CD177: variants seen among roughly 807,000 people sequenced by gnomAD.
The protein encoded by CD177 is CD177 antigen.
In CD177, 41 loss-of-function variants were observed where a neutral mutation model predicts 38.1. That is an observed-to-expected ratio of 1.07 (90% CI 0.84 to 1.39). The LOEUF (loss-of-function observed/expected upper bound fraction) is 1.39. Ranked by LOEUF, CD177 falls within the 40% of genes most tolerant of loss-of-function variation. CD177 has a pLI of 0.00. For missense variants in CD177, 619 were observed against 523.8 expected (o/e 1.18, Z -1.77); for synonymous variants, 236 against 216.7 (o/e 1.09, Z -0.78).
At chr19:43,354,799 GTGTTATAAA>G (rs1300557108) in intron 3 of CD177, among the ~76,000 whole-genome samples, 3 of 152,002 alleles carry the variant, frequency 2.0e-5, no homozygotes, top group Non-Finnish European at 4.4e-5. Flanking sequence ...TCCTTGTCTG[GTGTTATAAA>G]GAGTCTAGGG....
At chr19:43,362,035 A>C in intron 8 of CD177, 53 bp from the exon 9 acceptor site, 1 of 1,523,558 alleles carries the variant, frequency 6.6e-7, no homozygotes, top group Non-Finnish European at 9.1e-7. Context: ...CTGGGTTTAC[A>C]ACTTGGCTGG....
rs562072411 is a variant in CD177 at position 43,354,145 on chromosome 19, T to C, written c.194-62T>C. ...TCTCAGCCTACGCCGTGTAGCAGCGTCTCCCTCCAGGACCCTGGAGGCCTG... is the reference window on the plus strand; with the variant it reads ...TCTCAGCCTACGCCGTGTAGCAGCGCCTCCCTCCAGGACCCTGGAGGCCTG... On this transcript the variant is annotated intron_variant, in intron 2 of 8. Transcript: ENST00000618265. The C allele has an allele frequency of 2.8e-5, 44 of 1,573,704 alleles. No homozygotes were observed. The East Asian group carries it at 5.8e-4, about 21-fold the overall frequency.
In CD177 at chr19:43,362,275, A is replaced by T. The variant is rs765381710; in HGVS notation, c.1269A>T (p.Ala423=). 1.3e-6 allele frequency: 2 copies of T among 1,597,764 alleles called. No homozygotes were observed. The highest frequency in any genetic ancestry group is 4.5e-5 in the East Asian group (2 of 44,730). The change falls in exon 9 of 9, where the codon GCA becomes GCT. Residue 423 remains alanine (A), a synonymous_variant. Transcript: ENST00000618265. ...LESLTWGVGL[A]LAPALWWGVV... is the part of the protein sequence containing the mutation. Reference sequence around the variant, plus strand: ...CTCTCACTTGGGGGGTGGGGCTGGCACTGGCCCCAGCGCTGTGGTGGGGAG... The same window carrying T: ...CTCTCACTTGGGGGGTGGGGCTGGCTCTGGCCCCAGCGCTGTGGTGGGGAG...
At chr19:43,363,651 T>C (rs1970004809), downstream of CD177, among the ~76,000 whole-genome samples, 1 of 151,970 alleles carries the variant, frequency 6.6e-6, no homozygotes. Flanking sequence ...CCAGCCCCCA[T>C]AGATCTGCCA....
rs1292778958 is a variant in CD177 at position 43,361,276 on chromosome 19, G to A, written c.894G>A (p.Leu298=). 2 of 1,550,160 alleles carry A rather than the reference G, an allele frequency of 1.3e-6. No individual in the cohort carries two copies. Among genetic ancestry groups the A allele is most frequent in the Non-Finnish European group, 1.8e-6 (2 of 1,128,080 alleles). ...ASYTHFCSSD[L]CNSASSSSVL... ...ATACCCACTTCTGCTCCTCGGACCT[G>A]TGCAATAGTGCCAGCAGCAGCAGCG... Residue 298 remains leucine, a synonymous_variant, in exon 7 of 9, where the codon CTG becomes CTA. Transcript: ENST00000618265.
Position 43,360,144 on chromosome 19 carries a change from T to G in CD177, c.620-121T>G, listed in dbSNP as rs532619961. The G allele has an allele frequency of 1.3e-5, 15 of 1,188,146 alleles. 1 individual carries two copies. In the South Asian group the frequency reaches 2.1e-4, roughly 16 times the overall value. The allele number at this position is 1,188,146 out of a possible 1,614,324, so 73.6% of individuals were successfully genotyped here. On this transcript the variant is annotated intron_variant, in intron 5 of 8. Transcript: ENST00000618265. The stretch of plus-strand genomic sequence containing the variant: ...CCTTCTGAATCCTTGGTTAAGGGAA[T>G]CTGTGGCCAGGTCACCTGGAGTGTG...
intron 3 of CD177, 149 bp downstream of exon 3, chr19:43,354,541 CG>C (rs1299597054): frequency 5.3e-6 from 4 of 752,532 alleles, no homozygotes; most frequent in Non-Finnish European, 8.8e-6. Context: ...CCCTGACCAT[CG>C]CCCCGCCCCG....
downstream of CD177, among the ~76,000 whole-genome samples, chr19:43,365,710 G>A (rs1490733609): frequency 2.7e-5 from 4 of 148,314 alleles, no homozygotes; most frequent in South Asian, 2.2e-4. Flanking sequence ...ACTTCTGCTG[G>A]GCGCCAGCTC....
intron 3 of CD177, 199 bp from the exon 4 acceptor site, chr19:43,355,462 T>C (rs1969913808): frequency 9.8e-6 from 6 of 611,492 alleles, no homozygotes; most frequent in Admixed American, 8.8e-5. Context: ...GACCTCCTGT[T>C]CATTCTCCCT....
intron 3 of CD177, among the ~76,000 whole-genome samples, chr19:43,354,707 T>G (rs192811500): frequency 1.2e-4 from 19 of 152,320 alleles, no homozygotes; most frequent in African/African-American, 4.6e-4. Flanking sequence ...TTTTATTCTG[T>G]TGCGTTTGGT....
At chr19:43,363,810 G>A (rs555990929), downstream of CD177, among the ~76,000 whole-genome samples, 1 of 152,168 alleles carries the variant, frequency 6.6e-6, no homozygotes, top group Non-Finnish European at 1.5e-5. Flanking sequence ...AGTCCAGGAC[G>A]GGCTCGGTGG....
intron 1 of CD177, 21 bp downstream of exon 1, chr19:43,353,787 G>T (rs975716058): frequency 1.2e-6 from 2 of 1,613,812 alleles, no homozygotes; most frequent in Non-Finnish European, 1.7e-6. Context: ...AGCCCAGCCT[G>T]GAGGAGATTC....
chr19:43,363,977 C>T (rs1023453985), downstream of CD177, among the ~76,000 whole-genome samples: 1 of 151,230 alleles, frequency 6.6e-6, no homozygotes, highest in African/African-American at 2.4e-5. Flanking sequence ...CCTCCCTCTA[C>T]TGGTCCCAGC....
Position 43,354,300 on chromosome 19 carries a change from C to T in CD177, c.287C>T (p.Ser96Phe). The change falls in exon 3 of 9, where the codon TCC becomes TTC. Residue 96 changes from serine (S) to phenylalanine (F), a missense_variant. By Grantham distance (155) the Ser-to-Phe change is radical (BLOSUM62 -2). Transcript: ENST00000618265. The stretch of plus-strand genomic sequence containing the variant: ...GAGCACCGGATGGGCCCCGGCCTCT[C>T]CCTGATCTCCTACACCTTCGTGTGC... Reference protein sequence around the residue: ...VTEHRMGPGLSLISYTFVCRQ... With the variant: ...VTEHRMGPGLFLISYTFVCRQ... 1.2e-6 allele frequency: 2 copies of T among 1,613,986 alleles called. No homozygotes were observed. The highest frequency in any genetic ancestry group is 1.6e-4 in the Middle Eastern group (1 of 6,062).
chr19:43,365,898 C>G (rs1007297513), downstream of CD177, among the ~76,000 whole-genome samples: 2 of 152,114 alleles, frequency 1.3e-5, no homozygotes, highest in Non-Finnish European at 2.9e-5. Flanking sequence ...TCAGCTGTCC[C>G]GTGGATGCTG....
At chr19:43,360,676 C>G (rs1471699484) in intron 6 of CD177, 1 of 457,414 alleles carries the variant, frequency 2.2e-6, no homozygotes, top group Non-Finnish European at 3.9e-6. Context: ...ACCGAGGACT[C>G]TCAGTGGCTT....
rs1374717318 is a variant in CD177 at position 43,360,314 on chromosome 19, G to T, written c.669G>T (p.Leu223Phe). 3.7e-6 allele frequency: 6 copies of T among 1,613,174 alleles called. No homozygotes were observed. Among genetic ancestry groups the T allele is most frequent in the Non-Finnish European group, 4.2e-6 (5 of 1,179,632 alleles). The change falls in exon 6 of 9, where the codon TTG becomes TTT. Residue 223 changes from leucine to phenylalanine, a missense_variant. Transcript: ENST00000618265. ...CCACCATTATGACACACGGAAACTT[G>T]GCTCAAGAACCCACTGATTGGACCA... ...RGTTIMTHGNLAQEPTDWTTS... is the reference protein window; with the variant it reads ...RGTTIMTHGNFAQEPTDWTTS...
rs765515656 is a variant in CD177, at chr19:43,360,312, T to G, written c.667T>G (p.Leu223Val). The G allele has an allele frequency of 3.7e-6, 6 of 1,613,040 alleles. No homozygotes were observed. The highest frequency in any genetic ancestry group is 2.7e-5 in the African/African-American group (2 of 74,860). The change falls in exon 6 of 9, where the codon TTG becomes GTG. Residue 223 changes from leucine to valine, a missense_variant. Coordinates refer to ENST00000618265, the MANE Select transcript of CD177 (RefSeq NM_020406.4). ...GACCACCATTATGACACACGGAAAC[T>G]TGGCTCAAGAACCCACTGATTGGAC... is the stretch of plus-strand genomic sequence containing the variant. Reference protein sequence around the residue: ...RGTTIMTHGNLAQEPTDWTTS... With the variant: ...RGTTIMTHGNVAQEPTDWTTS...
At chr19:43,363,772 C>T (rs545222682), downstream of CD177, among the ~76,000 whole-genome samples, 1 of 152,266 alleles carries the variant, frequency 6.6e-6, no homozygotes, top group East Asian at 1.9e-4. Flanking sequence ...CGGCATCCAC[C>T]CTTTCCCTTT....
Sources: gnomAD v4.1 joint callset for allele counts (sites outside exome capture counted in the v4.1 genomes callset) on GRCh38, gnomAD v4.1.1 for gene constraint, MANE v1.5 for transcripts, NCBI Gene and HGNC (gene_info 2026-07-23, HGNC 2026-07-21) for gene names.